The following SIN3A variants were observed in gnomAD, a reference collection of about 807,000 sequenced individuals.
SIN3A encodes the protein paired amphipathic helix protein Sin3a.
SIN3A carries 14 observed loss-of-function variants against 146.1 expected under a neutral mutation model. The observed-to-expected ratio is 0.10, with a 90% CI of 0.06 to 0.15. SIN3A has a LOEUF of 0.15. SIN3A is among the 10% of genes least tolerant of loss of function. SIN3A has a pLI of 1.00. For missense variants in SIN3A, 1,028 were observed against 1,576.0 expected, an observed-to-expected ratio of 0.65 and a Z score of 5.89; for synonymous variants, 572 against 572.0, an observed-to-expected ratio of 1.00 and a Z score of 0.00.
chr15:75,409,651 C>G (rs1458695552), intron 8 of SIN3A, among the ~76,000 whole-genome samples, 185 bp downstream of exon 8: 1 of 151,642 alleles, frequency 6.6e-6, no homozygotes. Context: ...CGCTTGAACC[C>G]GGGAGGCAGA....
At chr15:75,429,981 G>C in intron 2 of SIN3A, 1 of 532,364 alleles carries the variant, frequency 1.9e-6, no homozygotes, top group Non-Finnish European at 3.3e-6. Context: ...GAAGGGAGCA[G>C]AGTGGGATAC....
At chr15:75,448,580 G>A (rs1054886931) in intron 1 of SIN3A, among the ~76,000 whole-genome samples, 6 of 152,052 alleles carry the variant, frequency 3.9e-5, no homozygotes, top group African/African-American at 1.2e-4. Flanking sequence ...TTCAAGGGGC[G>A]AGGAAGGTGT....
At chr15:75,407,194 G>GA in intron 8 of SIN3A, 50 bp from the exon 9 acceptor site, 1 of 1,277,712 alleles carries the variant, frequency 7.8e-7, no homozygotes, top group East Asian at 2.3e-5. Context: ...GGTTTTCTCT[G>GA]AATTTTATTT....
Position 75,407,127 on chromosome 15 carries a change from G to A in SIN3A, c.1335C>T (p.Leu445=), listed in dbSNP as rs1183520296. 1.2e-6 allele frequency: 2 copies of A among 1,611,152 alleles called. No individual in the cohort carries two copies. Among genetic ancestry groups the A allele is most frequent in the Non-Finnish European group, 1.7e-6 (2 of 1,178,428 alleles). The change falls in exon 9 of 21, where the codon CTC becomes CTT. Residue 445 remains leucine (L), a synonymous_variant. Transcript: ENST00000394947. ...CTGCCATAGAAGAATCCTTCAGATT[G>A]AGCAGTTTGGGTTTCTTCTGCAAAA... is the stretch of plus-strand genomic sequence containing the variant. ...TPPVKKKPKL[L]NLKDSSMADA... is the part of the protein sequence containing the mutation.
At chr15:75,427,832 A>G (rs1235061471) in intron 2 of SIN3A, among the ~76,000 whole-genome samples, 1 of 146,484 alleles carries the variant, frequency 6.8e-6, no homozygotes, top group African/African-American at 2.5e-5. Flanking sequence ...TTAGCCAGGC[A>G]TGGCAGCAGG....
chr15:75,422,632 A>G lies in SIN3A; in HGVS notation c.366+15T>C. On this transcript the variant is annotated intron_variant, in intron 3 of 20. Coordinates refer to ENST00000394947, the MANE Select transcript of SIN3A (RefSeq NM_001145358.2). ...AGATAAATTTTTTGACCCAAGAAAAAGAGCTGAATACCACCTTCAGCCTCT... is the reference window on the plus strand; with the variant it reads ...AGATAAATTTTTTGACCCAAGAAAAGGAGCTGAATACCACCTTCAGCCTCT... 1 of 1,614,124 alleles carries G rather than the reference A, an allele frequency of 6.2e-7. No homozygotes were observed. The highest frequency in any genetic ancestry group is 8.5e-7 in the Non-Finnish European group (1 of 1,179,932).
chr15:75,448,858 A>G (rs1163874608), intron 1 of SIN3A, among the ~76,000 whole-genome samples: 4 of 152,226 alleles, frequency 2.6e-5, no homozygotes, highest in Non-Finnish European at 4.4e-5. Flanking sequence ...TCAAATTACT[A>G]CACACCTCCT....
intron 1 of SIN3A, among the ~76,000 whole-genome samples, chr15:75,436,697 T>G (rs1226220844): frequency 6.6e-6 from 1 of 152,082 alleles, no homozygotes; most frequent in African/African-American, 2.4e-5. Context: ...TCAACTTTGT[T>G]GTGTATTTGG....
intron 1 of SIN3A, among the ~76,000 whole-genome samples, chr15:75,438,564 C>T (rs186145085): frequency 6.6e-6 from 1 of 152,050 alleles, no homozygotes; most frequent in East Asian, 1.9e-4. Context: ...TAGTGAGCAC[C>T]TGTAGTCCTT....
intron 6 of SIN3A, among the ~76,000 whole-genome samples, chr15:75,410,953 C>CA (rs2073626447): frequency 8.7e-6 from 1 of 115,346 alleles, no homozygotes; most frequent in African/African-American, 3.6e-5. Flanking sequence ...CCAGCCTAGG[C>CA]AAAAAGAGCA....
Position 75,389,675 on chromosome 15 carries a change from G to A in SIN3A, c.2998C>T (p.Leu1000=). The A allele has an allele frequency of 5.6e-6, 9 of 1,614,090 alleles. No individual in the cohort carries two copies. The highest frequency in any genetic ancestry group is 6.8e-6 in the Non-Finnish European group (8 of 1,180,002). ...HAYIAFTMDK[L]IQSIVRQLQH... ...ACCTGTCTGACAATGCTCTGGATCA[G>A]TTTGTCCATGGTAAAGGCAATGTAG... Residue 1000 remains leucine, a synonymous_variant, in exon 16 of 21, where the codon CTG becomes TTG. Transcript: ENST00000394947.
Position 75,392,259 on chromosome 15 carries a change from A to C in SIN3A, c.2834T>G (p.Leu945Arg). ...GCACTCACTAGGTTCTTTGAGACGT[A>C]GCTGAATGGCAGGGCTGTCACTCTT... The part of the protein sequence containing the change: ...RDKSDSPAIQ[L>R]RLKEPMDVDV... Residue 945 changes from leucine to arginine, a missense_variant, in exon 15 of 21, where the codon CTA becomes CGA. Transcript: ENST00000394947. The C allele has an allele frequency of 6.2e-7, 1 of 1,613,460 alleles. No individual in the cohort carries two copies. The highest frequency in any genetic ancestry group is 8.5e-7 in the Non-Finnish European group (1 of 1,179,416).
intron 9 of SIN3A, among the ~76,000 whole-genome samples, chr15:75,405,804 T>C (rs1049680595): frequency 3.9e-5 from 6 of 152,140 alleles, no homozygotes; most frequent in African/African-American, 1.4e-4. Context: ...GAATCCAAAG[T>C]CTGCATGTCA....
intron 12 of SIN3A, among the ~76,000 whole-genome samples, chr15:75,398,101 A>AAAAC (rs762527269): frequency 3.9e-5 from 6 of 152,296 alleles, no homozygotes; most frequent in South Asian, 2.1e-4. Context: ...AAAGAGTACC[A>AAAAC]AAACAAACAA....
intron 2 of SIN3A, among the ~76,000 whole-genome samples, chr15:75,425,305 G>A (rs997656341): frequency 6.6e-6 from 1 of 152,158 alleles, no homozygotes; most frequent in African/African-American, 2.4e-5. Context: ...TGAGTAGCTG[G>A]GATTACAGGT....
intron 2 of SIN3A, among the ~76,000 whole-genome samples, chr15:75,428,699 GT>G (rs1480172662): frequency 1.3e-5 from 2 of 152,074 alleles, no homozygotes; most frequent in African/African-American, 4.8e-5. Flanking sequence ...GGCTTGCTAT[GT>G]TGCCCAGGCT....
rs2073664579 is a variant in SIN3A, at chr15:75,412,755, G to C, written c.756+8C>G. ...TTCATATTGATGCAATATTTTCCAA[G>C]TGCTCACCTTGCTGACTTTGGCAGG... On this transcript the variant is annotated splice_region_variant and intron_variant, in intron 5 of 20. Coordinates refer to ENST00000394947, the MANE Select transcript of SIN3A (RefSeq NM_001145358.2). 8 of 1,561,590 alleles carry C rather than the reference G, an allele frequency of 5.1e-6. 1 individual carries two copies. In the East Asian group the frequency reaches 1.8e-4, roughly 36 times the overall value.
At chr15:75,452,559 A>G (rs1326887148), upstream of SIN3A, among the ~76,000 whole-genome samples, 1 of 152,244 alleles carries the variant, frequency 6.6e-6, no homozygotes, top group African/African-American at 2.4e-5. Context: ...TCAGCCAAGT[A>G]GAGTACAGAA....
Position 75,414,222 on chromosome 15 carries a change from CT to C in SIN3A, c.455del (p.Lys152ArgfsTer13). ...TCTTTTACCTCTGAGATTTAAATTCCTTCATGATGTCAAGGAAATCATTGTA... is the reference window on the plus strand; with the variant it reads ...TCTTTTACCTCTGAGATTTAAATTCCTCATGATGTCAAGGAAATCATTGTA... Reference protein sequence around the residue: ...QVYNDFLDIMKEFKSQSIDTP... With the variant: ...QVYNDFLDIMXEFKSQSIDTP... On this transcript the variant is annotated frameshift_variant, in exon 4 of 21. Transcript: ENST00000394947. LOFTEE classifies it high-confidence loss of function. 1 of 1,524,396 alleles carries C rather than the reference CT, an allele frequency of 6.6e-7. No individual in the cohort carries two copies. The highest frequency in any genetic ancestry group is 1.8e-5 in the Admixed American group (1 of 56,774). 94.4% of individuals were successfully genotyped at this position (1,524,396 alleles called of 1,614,324 possible).
Sources: gnomAD v4.1 joint callset for allele counts (sites outside exome capture counted in the v4.1 genomes callset) on GRCh38, gnomAD v4.1.1 for gene constraint, MANE v1.5 for transcripts, NCBI Gene and HGNC (gene_info 2026-07-23, HGNC 2026-07-21) for gene names.